Variants in NRXN3 observed in about 807,000 individuals in gnomAD.
NRXN3 encodes neurexin 3, also known as neurexin III.
Under a neutral mutation model 137.6 loss-of-function variants are expected in NRXN3, and 32 were observed. That is an observed-to-expected ratio of 0.23 (90% CI 0.18 to 0.31). The LOEUF is 0.31. NRXN3 is among the 10% of genes least tolerant of loss of function. The pLI, the probability that NRXN3 is intolerant of heterozygous loss-of-function variation, is 1.00. For missense variants in NRXN3, 1,574 were observed against 2,062.5 expected (o/e 0.76, Z 4.59); for synonymous variants, 798 against 784.5 (o/e 1.02, Z -0.29).
At chr14:78,592,892 A>G (rs1205760482) in intron 4 of NRXN3, among the ~76,000 whole-genome samples, 1 of 152,192 alleles carries the variant, frequency 6.6e-6, no homozygotes, top group Non-Finnish European at 1.5e-5. Flanking sequence ...AGTAGGACCC[A>G]TGTCCTCCCA....
chr14:79,702,727 G>T (rs1603441785), intron 19 of NRXN3, among the ~76,000 whole-genome samples: 1 of 151,968 alleles, frequency 6.6e-6, no homozygotes, highest in Non-Finnish European at 1.5e-5. Flanking sequence ...TACCAGGAAT[G>T]CCCCAATAAT....
At chr14:79,193,074 C>G (rs1410587944) in intron 15 of NRXN3, among the ~76,000 whole-genome samples, 2 of 151,338 alleles carry the variant, frequency 1.3e-5, no homozygotes, top group Non-Finnish European at 2.9e-5. Context: ...TGGCTATGTA[C>G]AATTCTTAAA....
chr14:79,475,749 A>C (rs1306080355), intron 16 of NRXN3, among the ~76,000 whole-genome samples: 1 of 152,042 alleles, frequency 6.6e-6, no homozygotes, highest in Non-Finnish European at 1.5e-5. Context: ...GTTATATTTT[A>C]TTTTCCTAAG....
At chr14:78,175,200 C>T (rs2059147656) in intron 1 of NRXN3, among the ~76,000 whole-genome samples, 1 of 152,114 alleles carries the variant, frequency 6.6e-6, no homozygotes, top group South Asian at 2.1e-4. Context: ...AAAAAAATCA[C>T]AAAATCCTCA....
At chr14:79,121,382 A>C (rs551301214) in intron 15 of NRXN3, among the ~76,000 whole-genome samples, 6 of 152,292 alleles carry the variant, frequency 3.9e-5, no homozygotes, top group Admixed American at 6.5e-5. Flanking sequence ...CTTACCAATA[A>C]GTGAGGAATG....
chr14:78,797,222 T>C (rs1477034635), intron 8 of NRXN3, among the ~76,000 whole-genome samples: 6 of 152,116 alleles, frequency 3.9e-5, no homozygotes, highest in Non-Finnish European at 8.8e-5. Context: ...ACTAAATAAA[T>C]GAACATATGA....
intron 19 of NRXN3, among the ~76,000 whole-genome samples, chr14:79,711,490 T>C (rs992020091): frequency 6.6e-6 from 1 of 151,708 alleles, no homozygotes; most frequent in African/African-American, 2.4e-5. Context: ...TTCTTATTTA[T>C]ATATTTATTT....
At chr14:79,466,144 C>T (rs1157163380) in intron 15 of NRXN3, among the ~76,000 whole-genome samples, 1 of 152,068 alleles carries the variant, frequency 6.6e-6, no homozygotes, top group Non-Finnish European at 1.5e-5. Flanking sequence ...TGACAACTAC[C>T]ACTTGTCATG....
chr14:78,848,385 CTG>C (rs552857267), intron 10 of NRXN3, among the ~76,000 whole-genome samples: 93 of 152,216 alleles, frequency 6.1e-4, no homozygotes, highest in African/African-American at 2.2e-3. Context: ...TCCAAAGGCT[CTG>C]TGTCAGGTGC....
chr14:78,867,322 C>T (rs1332644086), intron 10 of NRXN3, among the ~76,000 whole-genome samples: 2 of 152,134 alleles, frequency 1.3e-5, no homozygotes, highest in African/African-American at 2.4e-5. Flanking sequence ...TCAGTTTAGC[C>T]ATTAATTTTA....
intron 4 of NRXN3, among the ~76,000 whole-genome samples, chr14:78,386,604 A>C (rs1318470504): frequency 1.3e-5 from 2 of 152,202 alleles, no homozygotes; most frequent in Admixed American, 6.5e-5. Flanking sequence ...GGTAGATATA[A>C]TTATTCTTAC....
chr14:78,924,780 A>T (rs1050587499), intron 10 of NRXN3, among the ~76,000 whole-genome samples: 1 of 152,240 alleles, frequency 6.6e-6, no homozygotes, highest in Non-Finnish European at 1.5e-5. Context: ...GAAGTGAAAT[A>T]ACTCTTGTTA....
intron 6 of NRXN3, among the ~76,000 whole-genome samples, chr14:78,675,576 G>A (rs542755448): frequency 2.0e-5 from 3 of 152,274 alleles, no homozygotes; most frequent in Middle Eastern, 3.4e-3. Flanking sequence ...AGGATACAGT[G>A]AGAAGAGAAG....
At chr14:78,865,406 C>A (rs1272041167) in intron 10 of NRXN3, among the ~76,000 whole-genome samples, 1 of 152,112 alleles carries the variant, frequency 6.6e-6, no homozygotes, top group African/African-American at 2.4e-5. Context: ...TTGAAAGTCA[C>A]AGAATTTTGA....
intron 8 of NRXN3, among the ~76,000 whole-genome samples, chr14:78,769,751 G>A (rs768040817): frequency 6.6e-6 from 1 of 152,182 alleles, no homozygotes; most frequent in Non-Finnish European, 1.5e-5. Context: ...ATCTAGAAAA[G>A]GGACATATTG....
chr14:78,664,901 T>C (rs549076529), intron 6 of NRXN3, among the ~76,000 whole-genome samples: 2 of 152,328 alleles, frequency 1.3e-5, no homozygotes, highest in Admixed American at 1.3e-4. Context: ...TTTGTGAACA[T>C]CAGTGATAGA....
intron 10 of NRXN3, among the ~76,000 whole-genome samples, chr14:78,857,281 A>G (rs2099060106): frequency 6.6e-6 from 1 of 151,968 alleles, no homozygotes. Context: ...CAACATTTAC[A>G]TTGGAAGATG....
At chr14:79,672,900 G>A (rs1731074556) in intron 17 of NRXN3, among the ~76,000 whole-genome samples, 1 of 151,964 alleles carries the variant, frequency 6.6e-6, no homozygotes, top group Admixed American at 6.6e-5. Flanking sequence ...GTTATTTAAA[G>A]TCTAAAAAGA....
intron 15 of NRXN3, among the ~76,000 whole-genome samples, chr14:79,355,089 C>A (rs1022107322): frequency 6.6e-6 from 1 of 152,022 alleles, no homozygotes; most frequent in South Asian, 2.1e-4. Flanking sequence ...AGGGGGGTGA[C>A]AAGATTTGGT....
Sources: gnomAD v4.1 joint callset for allele counts (sites outside exome capture counted in the v4.1 genomes callset) on GRCh38, gnomAD v4.1.1 for gene constraint, MANE v1.5 for transcripts, NCBI Gene and HGNC (gene_info 2026-07-23, HGNC 2026-07-21) for gene names.